The following MED13L variants were observed in gnomAD, a reference collection of about 807,000 sequenced individuals.
MED13L encodes mediator complex subunit 13L, also known as mediator of RNA polymerase II transcription subunit 13-like.
Under a neutral mutation model 220.9 loss-of-function variants are expected in MED13L, and 7 were observed. The observed-to-expected ratio is 0.03, with a 90% CI of 0.02 to 0.06. The LOEUF is 0.06. Ranked by LOEUF, MED13L falls within the 10% of genes least tolerant of loss-of-function variation. The pLI is 1.00. For synonymous variants in MED13L, 1,011 were observed against 1,015.2 expected, an observed-to-expected ratio of 1.00 and a Z score of 0.08; for missense variants, 1,965 against 2,760.5, an observed-to-expected ratio of 0.71 and a Z score of 6.46.
chr12:116,072,545 G>A (rs757766443), intron 4 of MED13L, among the ~76,000 whole-genome samples: 10 of 152,228 alleles, frequency 6.6e-5, no homozygotes, highest in Admixed American at 1.3e-4. Flanking sequence ...TCCGCCTCCC[G>A]GGTTCAAGCA....
intron 2 of MED13L, among the ~76,000 whole-genome samples, chr12:116,197,537 C>T (rs1052457716): frequency 2.6e-5 from 4 of 152,006 alleles, no homozygotes; most frequent in Non-Finnish European, 5.9e-5. Flanking sequence ...GAGGCCGAGG[C>T]GGGCGGATCA....
At chr12:116,160,038 A>G (rs1878742305) in intron 2 of MED13L, among the ~76,000 whole-genome samples, 1 of 152,202 alleles carries the variant, frequency 6.6e-6, no homozygotes, top group African/African-American at 2.4e-5. Flanking sequence ...TTTCTTCTCC[A>G]TGAAGATTAC....
chr12:116,271,746 G>C (rs917644790), intron 1 of MED13L, among the ~76,000 whole-genome samples: 3 of 151,894 alleles, frequency 2.0e-5, no homozygotes, highest in Non-Finnish European at 2.9e-5. Flanking sequence ...TAATAACAAT[G>C]TTGCATGTAT....
intron 4 of MED13L, among the ~76,000 whole-genome samples, chr12:116,068,868 G>A (rs144228323): frequency 8.0e-6 from 1 of 124,322 alleles, no homozygotes; most frequent in Non-Finnish European, 1.7e-5. Flanking sequence ...GGGTGGGGGG[G>A]CGTGCATGTC....
intron 1 of MED13L, among the ~76,000 whole-genome samples, chr12:116,261,830 CA>C (rs1192005627): frequency 6.6e-6 from 1 of 152,146 alleles, no homozygotes; most frequent in Non-Finnish European, 1.5e-5. Flanking sequence ...ACTCTACCTC[CA>C]AAATATTACA....
chr12:116,032,049 A>G (rs905855058), intron 4 of MED13L, among the ~76,000 whole-genome samples: 9 of 152,194 alleles, frequency 5.9e-5, no homozygotes, highest in Non-Finnish European at 1.5e-5. Context: ...TAAGGTACCC[A>G]GAAAATAAAC....
chr12:116,066,110 C>T (rs1370162645), intron 4 of MED13L, among the ~76,000 whole-genome samples: 1 of 152,170 alleles, frequency 6.6e-6, no homozygotes, highest in African/African-American at 2.4e-5. Context: ...CTCTCACACA[C>T]ATACATACAC....
chr12:116,022,755 T>G (rs1566015751), intron 4 of MED13L, among the ~76,000 whole-genome samples, 154 bp from the exon 5 acceptor site: 1 of 152,216 alleles, frequency 6.6e-6, no homozygotes, highest in East Asian at 1.9e-4. Context: ...AATTCAGTAT[T>G]GACAAACTAA....
At chr12:116,144,516 A>C (rs1052209944) in intron 2 of MED13L, among the ~76,000 whole-genome samples, 1 of 152,216 alleles carries the variant, frequency 6.6e-6, no homozygotes, top group Non-Finnish European at 1.5e-5. Flanking sequence ...CTTGGCTCAA[A>C]GCATGCTCAA....
intron 23 of MED13L, among the ~76,000 whole-genome samples, chr12:115,980,227 A>T (rs993992075): frequency 2.0e-5 from 3 of 151,418 alleles, no homozygotes; most frequent in South Asian, 2.1e-4. Flanking sequence ...AGTCCTACAT[A>T]AAAAAAACAG....
intron 4 of MED13L, among the ~76,000 whole-genome samples, chr12:116,030,348 C>T (rs1880663032): frequency 6.6e-6 from 1 of 151,948 alleles, no homozygotes; most frequent in Admixed American, 6.6e-5. Flanking sequence ...CCTAATAAAT[C>T]ATGGGTTACA....
intron 4 of MED13L, among the ~76,000 whole-genome samples, chr12:116,053,205 T>TA (rs1868650873): frequency 6.6e-6 from 1 of 152,156 alleles, no homozygotes; most frequent in Non-Finnish European, 1.5e-5. Flanking sequence ...ATTGCACAGA[T>TA]ACAAGTGATT....
At chr12:116,130,327 C>A (rs1268299987) in intron 2 of MED13L, among the ~76,000 whole-genome samples, 2 of 152,318 alleles carry the variant, frequency 1.3e-5, no homozygotes, top group East Asian at 3.9e-4. Flanking sequence ...TTCCACTGCT[C>A]ATTTTCTATG....
chr12:115,966,866 T>C (rs1234136533), intron 28 of MED13L, among the ~76,000 whole-genome samples: 1 of 152,176 alleles, frequency 6.6e-6, no homozygotes, highest in Non-Finnish European at 1.5e-5. Flanking sequence ...AAGTAATGCA[T>C]TTGTTTTTAA....
chr12:116,019,929 T>C lies in MED13L; in HGVS notation c.669A>G (p.Gln223=). 1 of 1,613,876 alleles carries C rather than the reference T, an allele frequency of 6.2e-7. No homozygotes were observed. Among genetic ancestry groups the C allele is most frequent in the Non-Finnish European group, 8.5e-7 (1 of 1,179,898 alleles). The change falls in exon 6 of 31, where the codon CAA becomes CAG. Residue 223 remains glutamine, a synonymous_variant. Coordinates refer to ENST00000281928, the MANE Select transcript of MED13L (RefSeq NM_015335.5). ...TGGCTGGGTCTGACATCTTGTATGC[T>C]TGGCCTGTTAGCGTCCCATTTAAGC... is the stretch of plus-strand genomic sequence containing the variant. ...PYGLNGTLTG[Q]AYKMSDPATR...
At chr12:116,240,966 T>G (rs1481024648) in intron 1 of MED13L, among the ~76,000 whole-genome samples, 18 of 152,024 alleles carry the variant, frequency 1.2e-4, no homozygotes. Flanking sequence ...AAGAAAGTAT[T>G]CTGTGCCTAA....
intron 2 of MED13L, among the ~76,000 whole-genome samples, chr12:116,189,394 A>C (rs1203137842): frequency 6.6e-6 from 1 of 151,982 alleles, no homozygotes; most frequent in Non-Finnish European, 1.5e-5. Context: ...CTATATATAC[A>C]AGTACTAGCT....
At chr12:115,965,953 T>C (rs781448807) in intron 29 of MED13L, 129 bp downstream of exon 29, 48 of 1,180,648 alleles carry the variant, frequency 4.1e-5, no homozygotes, top group Non-Finnish European at 5.4e-5. Flanking sequence ...CCTCAGAGTA[T>C]AAGTAGATAC....
intron 4 of MED13L, among the ~76,000 whole-genome samples, chr12:116,071,157 T>C (rs1870339903): frequency 6.6e-6 from 1 of 152,044 alleles, no homozygotes; most frequent in South Asian, 2.1e-4. Flanking sequence ...TAAATGTTCA[T>C]TGAAGAAAAC....
Sources: allele counts gnomAD v4.1 joint callset (sites outside exome capture counted in the v4.1 genomes callset), GRCh38; gene constraint gnomAD v4.1.1; transcripts MANE v1.5; gene names NCBI Gene and HGNC (gene_info 2026-07-23, HGNC 2026-07-21).